The following FRMD3 variants were observed in gnomAD, a reference collection of about 807,000 sequenced individuals.
FRMD3 encodes the protein FERM domain containing 3, also known as FERM domain-containing protein 3.
Under a neutral mutation model 70.2 loss-of-function variants are expected in FRMD3, and 33 were observed. That is an observed-to-expected ratio of 0.47 (90% CI 0.36 to 0.63). The LOEUF (loss-of-function observed/expected upper bound fraction) is 0.63, where lower values mean the gene tolerates loss of function less well. Ranked by LOEUF, FRMD3 falls within the 20% of genes least tolerant of loss-of-function variation. FRMD3 has a pLI of 0.00. For missense variants in FRMD3, 632 were observed against 711.4 expected (o/e 0.89, Z 1.27); for synonymous variants, 279 against 255.9 (o/e 1.09, Z -0.86).
intron 1 of FRMD3, among the ~76,000 whole-genome samples, chr9:83,479,720 G>GAAAGA (rs1828509110): frequency 7.3e-5 from 4 of 54,966 alleles, no homozygotes; most frequent in African/African-American, 4.1e-4. Context: ...AAGAAAGAAA[G>GAAAGA]AAAAGAAAGG....
At chr9:83,396,798 A>G (rs1305504060) in intron 1 of FRMD3, among the ~76,000 whole-genome samples, 2 of 152,188 alleles carry the variant, frequency 1.3e-5, no homozygotes, top group African/African-American at 2.4e-5. Flanking sequence ...TGCCCATGAA[A>G]TTCCTTATTA....
chr9:83,461,812 C>G (rs1827984347), intron 1 of FRMD3, among the ~76,000 whole-genome samples: 1 of 150,940 alleles, frequency 6.6e-6, no homozygotes, highest in East Asian at 2.0e-4. Flanking sequence ...CTCAGCCTCC[C>G]AAGTAACTGG....
At chr9:83,546,560 A>T in the FRMD3 span, among the ~76,000 whole-genome samples, 1 of 152,260 alleles carries the variant, frequency 6.6e-6, no homozygotes, top group African/African-American at 2.4e-5. Context: ...ACACATAAAA[A>T]GTATAAAACT....
chr9:83,432,632 G>T (rs1827015729), intron 1 of FRMD3, among the ~76,000 whole-genome samples: 1 of 152,186 alleles, frequency 6.6e-6, no homozygotes, highest in Non-Finnish European at 1.5e-5. Flanking sequence ...AAAGGTCATA[G>T]ATCACTCATC....
rs149346070 is a variant in FRMD3, at chr9:83,491,087, A to G, written c.147+46998T>C. Reference sequence around the variant, plus strand: ...AGTCCTGCAGTTGTTGTGGTTAATGAGTTTATTTAACCCTGAGTCTCCCAT... The same window carrying G: ...AGTCCTGCAGTTGTTGTGGTTAATGGGTTTATTTAACCCTGAGTCTCCCAT... On this transcript the variant is annotated intron_variant, in intron 1 of 13. Transcript: ENST00000304195. Among the ~76,000 whole-genome samples, 1,122 of 152,218 alleles carry G rather than the reference A, an allele frequency of 7.4e-3. 20 individuals are homozygous for G. The highest frequency in any genetic ancestry group is 0.026 in the African/African-American group (1,079 of 41,512).
chr9:83,582,078 T>C, the FRMD3 span, among the ~76,000 whole-genome samples: 1 of 152,182 alleles, frequency 6.6e-6, no homozygotes, highest in Middle Eastern at 3.4e-3. Flanking sequence ...AGTAATCTCT[T>C]TTTTTTTCTT....
At chr9:83,286,641 C>T (rs1226697438) in intron 13 of FRMD3, among the ~76,000 whole-genome samples, 2 of 152,108 alleles carry the variant, frequency 1.3e-5, no homozygotes, top group Non-Finnish European at 2.9e-5. Flanking sequence ...CATTAGACAA[C>T]ACTTTTAACA....
chr9:83,273,624 AAAACCTGGGG>A (rs1833690774), intron 13 of FRMD3, among the ~76,000 whole-genome samples: 1 of 147,154 alleles, frequency 6.8e-6, no homozygotes, highest in African/African-American at 2.6e-5. Flanking sequence ...AAAAAAAAAA[AAAACCTGGGG>A]AAAAAAAAAA....
intron 13 of FRMD3, among the ~76,000 whole-genome samples, chr9:83,250,351 G>A (rs1474910052): frequency 6.6e-6 from 1 of 152,214 alleles, no homozygotes; most frequent in Non-Finnish European, 1.5e-5. Context: ...GATACACAGA[G>A]CTGTGTGGAG....
At chr9:83,243,314 C>A, downstream of FRMD3, 2 of 1,241,564 alleles carry the variant, frequency 1.6e-6, no homozygotes, top group Admixed American at 2.0e-5. Context: ...TTGTCTCCAC[C>A]CTGTAGAGAG....
At chr9:83,300,219 A>T (rs1175382935) in intron 10 of FRMD3, among the ~76,000 whole-genome samples, 1 of 152,160 alleles carries the variant, frequency 6.6e-6, no homozygotes, top group Non-Finnish European at 1.5e-5. Flanking sequence ...TCTACACACC[A>T]AGGTAAGTAC....
intron 2 of FRMD3, among the ~76,000 whole-genome samples, chr9:83,378,254 C>CTT (rs1181178760): frequency 1.1e-4 from 15 of 132,062 alleles, no homozygotes; most frequent in Admixed American, 2.3e-4. Context: ...CTGTGTCCTT[C>CTT]TTTTTTGTTT....
intron 2 of FRMD3, among the ~76,000 whole-genome samples, chr9:83,383,670 C>G (rs1009945114): frequency 6.6e-6 from 1 of 152,206 alleles, no homozygotes; most frequent in Non-Finnish European, 1.5e-5. Flanking sequence ...GCTGTCCCAC[C>G]ACCAACACAG....
the FRMD3 span, among the ~76,000 whole-genome samples, chr9:83,580,300 G>C: frequency 1.3e-5 from 2 of 152,076 alleles, no homozygotes; most frequent in African/African-American, 4.8e-5. Flanking sequence ...CAAAGGAATT[G>C]AAATCATTGT....
chr9:83,501,137 T>G (rs930371233), intron 1 of FRMD3, among the ~76,000 whole-genome samples: 2 of 152,180 alleles, frequency 1.3e-5, no homozygotes, highest in Non-Finnish European at 2.9e-5. Context: ...AGATTTTTCT[T>G]TGAAAATCCT....
chr9:83,506,442 A>C (rs900400188), intron 1 of FRMD3, among the ~76,000 whole-genome samples: 1 of 152,204 alleles, frequency 6.6e-6, no homozygotes, highest in African/African-American at 2.4e-5. Flanking sequence ...TGGGCTACAG[A>C]TCTGTATAGC....
chr9:83,448,643 CT>C (rs1827550804), intron 1 of FRMD3, among the ~76,000 whole-genome samples: 1 of 152,184 alleles, frequency 6.6e-6, no homozygotes, highest in South Asian at 2.1e-4. Context: ...CTCTGAGCCA[CT>C]CTCCATTCCC....
At chr9:83,434,819 C>CCCTTTTTTT (rs1827086409) in intron 1 of FRMD3, among the ~76,000 whole-genome samples, 1 of 74,878 alleles carries the variant, frequency 1.3e-5, no homozygotes, top group Non-Finnish European at 2.3e-5. Context: ...CACCCCTCTG[C>CCCTTTTTTT]TTTTTTTTTT....
At chr9:83,520,708 T>A (rs1215190377) in intron 1 of FRMD3, among the ~76,000 whole-genome samples, 1 of 152,188 alleles carries the variant, frequency 6.6e-6, no homozygotes, top group Non-Finnish European at 1.5e-5. Flanking sequence ...TGGTCTACTA[T>A]GCATAAGGAG....
Sources: allele counts gnomAD v4.1 joint callset (sites outside exome capture counted in the v4.1 genomes callset), GRCh38; gene constraint gnomAD v4.1.1; transcripts MANE v1.5; gene names NCBI Gene and HGNC (gene_info 2026-07-23, HGNC 2026-07-21).